Variants in NCOA1 observed in about 807,000 individuals in gnomAD.
NCOA1 encodes Hin-2 protein.
A neutral mutation model predicts 150.9 loss-of-function variants in NCOA1; 35 were observed. The ratio of observed to expected loss-of-function variants is 0.23; its 90% CI spans 0.18 to 0.31. The LOEUF (loss-of-function observed/expected upper bound fraction) is 0.31, where lower values mean the gene tolerates loss of function less well. Ranked by LOEUF, NCOA1 falls within the 10% of genes least tolerant of loss-of-function variation. The pLI is 1.00. For synonymous variants in NCOA1, 590 were observed against 630.0 expected, an observed-to-expected ratio of 0.94 and a Z score of 0.95; for missense variants, 1,491 against 1,749.3, an observed-to-expected ratio of 0.85 and a Z score of 2.63.
intron 1 of NCOA1, among the ~76,000 whole-genome samples, chr2:24,551,538 T>C (rs1665830746): frequency 6.6e-6 from 1 of 152,154 alleles, no homozygotes. Flanking sequence ...CAGTGAGAGG[T>C]TGGCAAACTA....
chr2:24,590,459 C>A (rs1667608979), intron 3 of NCOA1, among the ~76,000 whole-genome samples: 1 of 151,986 alleles, frequency 6.6e-6, no homozygotes, highest in African/African-American at 2.4e-5. Context: ...ATAGTTTTCT[C>A]AAATAGGAAA....
At chr2:24,608,615 C>T (rs56688962) in intron 3 of NCOA1, among the ~76,000 whole-genome samples, 4,680 of 151,530 alleles carry the variant, frequency 0.031, 225 homozygotes, top group African/African-American at 0.1. Flanking sequence ...TTTGTCAAAA[C>T]TAAGAGACTG....
At chr2:24,627,387 G>A (rs566208866) in intron 3 of NCOA1, among the ~76,000 whole-genome samples, 6 of 151,982 alleles carry the variant, frequency 3.9e-5, no homozygotes, top group Admixed American at 6.6e-5. Flanking sequence ...CTAAATACTT[G>A]GAAACAAATA....
At chr2:24,495,639 G>A (rs1438629673) in intron 1 of NCOA1, among the ~76,000 whole-genome samples, 1 of 152,122 alleles carries the variant, frequency 6.6e-6, no homozygotes, top group Admixed American at 6.5e-5. Context: ...TAATTGTACT[G>A]GATTATCCAG....
intron 10 of NCOA1, 31 bp from the exon 11 acceptor site, chr2:24,697,626 GT>G: frequency 6.4e-7 from 1 of 1,559,562 alleles, no homozygotes; most frequent in Non-Finnish European, 8.8e-7. Flanking sequence ...TAAAGAGGCT[GT>G]TATAAATATA....
intron 4 of NCOA1, among the ~76,000 whole-genome samples, chr2:24,647,897 A>G (rs1670546332): frequency 6.6e-6 from 1 of 152,178 alleles, no homozygotes; most frequent in Admixed American, 6.5e-5. Context: ...TAAAAATTTA[A>G]AAGTCTGCAT....
At chr2:24,494,056 ATGT>A (rs905358583) in intron 1 of NCOA1, among the ~76,000 whole-genome samples, 6 of 152,158 alleles carry the variant, frequency 3.9e-5, no homozygotes, top group African/African-American at 1.2e-4. Context: ...TAATTTAAAG[ATGT>A]TGTTCTCAGA....
intron 5 of NCOA1, among the ~76,000 whole-genome samples, chr2:24,664,860 A>G (rs1262839487): frequency 2.0e-5 from 3 of 152,238 alleles, no homozygotes; most frequent in Non-Finnish European, 2.9e-5. Flanking sequence ...TAAAACAAAG[A>G]GCTACTTGTG....
intron 4 of NCOA1, among the ~76,000 whole-genome samples, chr2:24,653,640 C>G (rs1378216820): frequency 6.6e-6 from 1 of 152,090 alleles, no homozygotes; most frequent in African/African-American, 2.4e-5. Flanking sequence ...TTTGAGTTCA[C>G]AATCCCAAAA....
chr2:24,566,008 TCTCTC>T (rs1449443716), intron 2 of NCOA1, among the ~76,000 whole-genome samples: 2 of 152,176 alleles, frequency 1.3e-5, no homozygotes, highest in Admixed American at 1.3e-4. Flanking sequence ...CTGCAGCTCT[TCTCTC>T]CTCTTCTCAC....
At chr2:24,562,508 C>T (rs956153383) in intron 1 of NCOA1, among the ~76,000 whole-genome samples, 6 of 152,150 alleles carry the variant, frequency 3.9e-5, no homozygotes, top group South Asian at 2.1e-4. Flanking sequence ...GAAGAAACCT[C>T]GATTCCATTC....
At chr2:24,629,479 GT>G (rs11333104) in intron 3 of NCOA1, among the ~76,000 whole-genome samples, 91,294 of 132,326 alleles carry the variant, frequency 0.69, 31,477 homozygotes, top group East Asian at 0.85. Context: ...TACTGTTTGG[GT>G]TTTTTTTTTT....
At chr2:24,694,554 G>A (rs1047867105) in intron 10 of NCOA1, among the ~76,000 whole-genome samples, 8 of 152,054 alleles carry the variant, frequency 5.3e-5, no homozygotes, top group African/African-American at 1.7e-4. Flanking sequence ...TGTTTTTAGA[G>A]ATAAACTTCC....
At chr2:24,544,007 T>C (rs1417776264) in intron 1 of NCOA1, among the ~76,000 whole-genome samples, 3 of 152,200 alleles carry the variant, frequency 2.0e-5, no homozygotes, top group African/African-American at 7.2e-5. Flanking sequence ...CAAGAAATTT[T>C]TCTAGGTGGG....
At position 24,707,887 on chromosome 2, in the gene NCOA1, A is replaced by G. The variant is rs1446381529; in HGVS notation, c.2417A>G (p.Gln806Arg). The G allele has an allele frequency of 6.3e-7, 1 of 1,582,020 alleles. No homozygotes were observed. Among genetic ancestry groups the G allele is most frequent in the Non-Finnish European group, 8.5e-7 (1 of 1,169,862 alleles). The change falls in exon 13 of 23, where the codon CAG (glutamine) becomes CGG (arginine). Residue 806 changes from glutamine to arginine, a missense_variant and splice_region_variant. By Grantham distance (43) the Gln-to-Arg change is conservative. Around this residue, in one of 8 missense-constraint regions of NCOA1, gnomAD observed 703 missense variants for 717.7 expected, o/e 0.98. Transcript: ENST00000348332. ...PEEIKLEAQS[Q>R]FTADLDQFDQ... is the part of the protein sequence containing the mutation. The stretch of plus-strand genomic sequence containing the variant: ...GAAATAAAACTGGAGGCCCAGAGCC[A>G]GGTGGGTAACTGCTTGCTTCACAGA...
At chr2:24,693,165 T>C (rs1672748670) in intron 9 of NCOA1, 87 bp from the exon 10 acceptor site, 4 of 1,342,420 alleles carry the variant, frequency 3.0e-6, no homozygotes. Context: ...ACATGTATTG[T>C]TTTTATGAAA....
intron 2 of NCOA1, among the ~76,000 whole-genome samples, chr2:24,565,069 T>C (rs1666441883): frequency 2.0e-5 from 3 of 152,218 alleles, no homozygotes; most frequent in South Asian, 4.1e-4. Context: ...TGTAGGACCT[T>C]TGGGATCTAA....
At chr2:24,740,923 T>C (rs957795487) in intron 18 of NCOA1, among the ~76,000 whole-genome samples, 4 of 152,170 alleles carry the variant, frequency 2.6e-5, no homozygotes, top group Non-Finnish European at 5.9e-5. Flanking sequence ...CCATGTTACA[T>C]TGAAAAAATG....
intron 3 of NCOA1, among the ~76,000 whole-genome samples, chr2:24,585,626 G>T (rs952863749): frequency 3.3e-5 from 5 of 151,878 alleles, no homozygotes. Context: ...ATATTTTTAA[G>T]TATTTAATCT....
Sources: allele counts gnomAD v4.1 joint callset (sites outside exome capture counted in the v4.1 genomes callset), GRCh38; gene constraint gnomAD v4.1.1; regional missense constraint gnomAD v4.1.1; transcripts MANE v1.5; gene names NCBI Gene and HGNC (gene_info 2026-07-23, HGNC 2026-07-21).